TNRC6A: variants seen among roughly 807,000 people sequenced by gnomAD.
TNRC6A encodes the protein trinucleotide repeat containing adaptor 6A, also known as trinucleotide repeat-containing gene 6A protein.
Under a neutral mutation model 221.2 loss-of-function variants are expected in TNRC6A, and 44 were observed. The ratio of observed to expected loss-of-function variants is 0.20; its 90% CI spans 0.16 to 0.26. TNRC6A has a LOEUF of 0.26. Among genes scored for constraint, TNRC6A ranks in the 10% least tolerant of loss-of-function variants. The pLI is 1.00. For missense variants in TNRC6A, 2,199 were observed against 2,404.4 expected (o/e 0.91, Z 1.79); for synonymous variants, 847 against 838.5 (o/e 1.01, Z -0.18).
intron 2 of TNRC6A, among the ~76,000 whole-genome samples, chr16:24,714,172 C>T (rs1204368270): frequency 6.6e-6 from 1 of 152,116 alleles, no homozygotes; most frequent in East Asian, 1.9e-4. Context: ...GGTTGTTCCA[C>T]AGCTCACTGG....
chr16:24,667,657 C>G (rs2055200259), intron 2 of TNRC6A, among the ~76,000 whole-genome samples: 1 of 152,162 alleles, frequency 6.6e-6, no homozygotes, highest in Non-Finnish European at 1.5e-5. Context: ...ACCTACCCCC[C>G]AGTTGTTATG....
chr16:24,708,152 C>A (rs1303338237), intron 2 of TNRC6A, among the ~76,000 whole-genome samples: 2 of 151,322 alleles, frequency 1.3e-5, no homozygotes, highest in African/African-American at 4.8e-5. Flanking sequence ...ACATGCTCTT[C>A]GTTTTTGTTT....
chr16:24,660,731 T>TC (rs2055010995), intron 2 of TNRC6A, among the ~76,000 whole-genome samples: 1 of 133,178 alleles, frequency 7.5e-6, no homozygotes, highest in African/African-American at 3.2e-5. Flanking sequence ...CTTTTTTCTT[T>TC]TTTTTTTCTT....
intron 2 of TNRC6A, among the ~76,000 whole-genome samples, chr16:24,730,643 T>G (rs1220013435): frequency 6.6e-6 from 1 of 151,874 alleles, no homozygotes; most frequent in African/African-American, 2.4e-5. Flanking sequence ...AGGCGGCCCT[T>G]ATGGCGGGCT....
chr16:24,786,674 TC>T (rs1217672965), intron 5 of TNRC6A, among the ~76,000 whole-genome samples: 3 of 152,178 alleles, frequency 2.0e-5, no homozygotes, highest in South Asian at 4.2e-4. Flanking sequence ...TAATACTGTT[TC>T]GTTTTTGTTG....
intron 11 of TNRC6A, among the ~76,000 whole-genome samples, chr16:24,802,270 C>T (rs547242772): frequency 1.1e-4 from 16 of 152,184 alleles, no homozygotes; most frequent in South Asian, 6.2e-4. Context: ...ACAATGAGGC[C>T]GGGCACAGTG....
intron 2 of TNRC6A, among the ~76,000 whole-genome samples, chr16:24,710,168 T>C (rs1007805844): frequency 3.4e-5 from 5 of 149,228 alleles, no homozygotes; most frequent in Admixed American, 1.4e-4. Context: ...GAGGTTGCAG[T>C]GAGCCGAGAT....
chr16:24,668,178 A>G (rs912194687), intron 2 of TNRC6A, among the ~76,000 whole-genome samples: 5 of 151,674 alleles, frequency 3.3e-5, no homozygotes, highest in African/African-American at 9.7e-5. Flanking sequence ...AAGTACAAAA[A>G]TTAGCCAGGC....
At chr16:24,674,793 A>G (rs1337130985) in intron 2 of TNRC6A, among the ~76,000 whole-genome samples, 1 of 151,846 alleles carries the variant, frequency 6.6e-6, no homozygotes, top group Non-Finnish European at 1.5e-5. Context: ...AAGGGATCAC[A>G]AGAGAGATTA....
chr16:24,635,268 C>T (rs560227884), intron 1 of TNRC6A, among the ~76,000 whole-genome samples: 40 of 150,750 alleles, frequency 2.7e-4, no homozygotes, highest in East Asian at 1.9e-4. Flanking sequence ...AGATTCTGCA[C>T]GTTTATTTAT....
chr16:24,797,357 A>G (rs920118520), intron 9 of TNRC6A, 133 bp from the exon 10 acceptor site: 2 of 598,526 alleles, frequency 3.3e-6, no homozygotes, highest in Non-Finnish European at 5.8e-6. Context: ...CAACTCTGAT[A>G]AGAGTTGATT....
intron 11 of TNRC6A, chr16:24,803,518 T>C (rs1216504016): frequency 6.6e-6 from 1 of 152,234 alleles, no homozygotes. Flanking sequence ...ATTGTTTTTA[T>C]TACTTGTTAA....
At chr16:24,736,194 C>G (rs1389815418) in intron 2 of TNRC6A, among the ~76,000 whole-genome samples, 1 of 152,182 alleles carries the variant, frequency 6.6e-6, no homozygotes, top group African/African-American at 2.4e-5. Flanking sequence ...TCATTCTAAC[C>G]TTAAGCAAAA....
chr16:24,759,604 G>A (rs1050864557), intron 4 of TNRC6A, among the ~76,000 whole-genome samples: 28 of 152,160 alleles, frequency 1.8e-4, no homozygotes, highest in African/African-American at 6.5e-4. Flanking sequence ...GGAGCCACAG[G>A]GCTTCATGCT....
At chr16:24,780,834 G>A in intron 5 of TNRC6A, among the ~76,000 whole-genome samples, 1 of 151,648 alleles carries the variant, frequency 6.6e-6, no homozygotes, top group East Asian at 1.9e-4. Flanking sequence ...AACCAAAAGT[G>A]TTAACATTAA....
intron 5 of TNRC6A, among the ~76,000 whole-genome samples, chr16:24,783,477 C>A (rs1231488958): frequency 1.3e-5 from 2 of 152,032 alleles, no homozygotes; most frequent in Non-Finnish European, 2.9e-5. Context: ...TTCGTTCAGC[C>A]CCCACATAAC....
chr16:24,775,426 A>G (rs2057698992), intron 4 of TNRC6A, among the ~76,000 whole-genome samples: 1 of 152,234 alleles, frequency 6.6e-6, no homozygotes, highest in South Asian at 2.1e-4. Flanking sequence ...CATATATTAT[A>G]TTAAAAAAGT....
intron 2 of TNRC6A, among the ~76,000 whole-genome samples, chr16:24,647,518 AT>A (rs1902359324): frequency 6.6e-6 from 1 of 152,178 alleles, no homozygotes; most frequent in African/African-American, 2.4e-5. Flanking sequence ...TACTATTTTA[AT>A]CATCTGTAGG....
intron 2 of TNRC6A, among the ~76,000 whole-genome samples, chr16:24,705,921 A>G (rs2056085170): frequency 6.6e-6 from 1 of 152,204 alleles, no homozygotes; most frequent in Admixed American, 6.6e-5. Flanking sequence ...GACTATTTGC[A>G]GGTAATATGA....
Sources: gnomAD v4.1 joint callset for allele counts (sites outside exome capture counted in the v4.1 genomes callset) on GRCh38, gnomAD v4.1.1 for gene constraint, MANE v1.5 for transcripts, NCBI Gene and HGNC (gene_info 2026-07-23, HGNC 2026-07-21) for gene names.